The following PHRF1 variants were observed in gnomAD, a reference collection of about 807,000 sequenced individuals.
The protein encoded by PHRF1 is PHD and ring finger domains 1.
PHRF1 carries 53 observed loss-of-function variants against 128.9 expected under a neutral mutation model. The observed-to-expected ratio is 0.41, with a 90% CI of 0.33 to 0.52. PHRF1 has a LOEUF of 0.52. Ranked by LOEUF, PHRF1 falls within the 20% of genes least tolerant of loss-of-function variation. The pLI is 0.21. For missense variants in PHRF1, 2,503 were observed against 2,284.5 expected, an observed-to-expected ratio of 1.10 and a Z score of -1.95; for synonymous variants, 1,178 against 980.6, an observed-to-expected ratio of 1.20 and a Z score of -3.76.
chr11:588,844 T>G (rs995272059), intron 4 of PHRF1, among the ~76,000 whole-genome samples: 6 of 152,042 alleles, frequency 3.9e-5, no homozygotes, highest in Non-Finnish European at 5.9e-5. Flanking sequence ...AGTATAGAAA[T>G]CTTACAAATG....
In PHRF1 at chr11:596,917, C is replaced by A. The variant is rs764217430; in HGVS notation, c.621-6C>A. 2.5e-6 allele frequency: 4 copies of A among 1,613,560 alleles called. No homozygotes were observed. The South Asian group carries it at 4.4e-5, about 18-fold the overall frequency. ...CCGGATGCTTTGGCCCTGCTCTCTCCTGTAGGTACCACATGGAATGCTTGG... is the reference window on the plus strand; with the variant it reads ...CCGGATGCTTTGGCCCTGCTCTCTCATGTAGGTACCACATGGAATGCTTGG... On this transcript the variant is annotated splice_polypyrimidine_tract_variant and splice_region_variant and intron_variant, in intron 6 of 17. Transcript: ENST00000264555.
chr11:606,562 C>T lies in PHRF1; in HGVS notation c.1575C>T (p.Ile525=). ...TGCTGGGCAGCAGTGATGTCATCAT[C>T]CACCGCGACGGCTCCCTCAGCGCCA... The part of the protein sequence containing the change: ...LLMLGSSDVI[I]HRDGSLSAKR... Residue 525 remains isoleucine (I), a synonymous_variant, in exon 13 of 18, where the codon ATC becomes ATT. Transcript: ENST00000264555. 1 of 1,609,008 alleles carries T rather than the reference C, an allele frequency of 6.2e-7. No homozygotes were observed. Among genetic ancestry groups the T allele is most frequent in the South Asian group, 1.1e-5 (1 of 91,044 alleles).
chr11:587,507 C>A, intron 4 of PHRF1, 43 bp downstream of exon 4: 9 of 1,593,174 alleles, frequency 5.6e-6, no homozygotes, highest in Non-Finnish European at 7.7e-6. Context: ...TTCAGGATGG[C>A]CTCCCTGTTT....
At chr11:590,392 C>T (rs529446922) in intron 4 of PHRF1, among the ~76,000 whole-genome samples, 10 of 152,264 alleles carry the variant, frequency 6.6e-5, no homozygotes, top group African/African-American at 2.4e-4. Context: ...CTAGGGAGGG[C>T]AGAATGCCAT....
chr11:595,378 TC>T (rs1337580603), intron 6 of PHRF1, among the ~76,000 whole-genome samples: 2 of 152,244 alleles, frequency 1.3e-5, no homozygotes, highest in African/African-American at 4.8e-5. Context: ...CTGATTTTTT[TC>T]TTTTTTAAGT....
intron 9 of PHRF1, among the ~76,000 whole-genome samples, chr11:599,986 G>T (rs764701160): frequency 3.7e-4 from 56 of 152,130 alleles, no homozygotes; most frequent in Admixed American, 2.0e-4. Context: ...CTGTTGATGG[G>T]CGTTTGGCTG....
chr11:601,576 A>G lies in PHRF1; in HGVS notation c.1027A>G (p.Arg343Gly), dbSNP rs751042884. Residue 343 changes from arginine (R) to glycine (G), a missense_variant and splice_region_variant, in exon 10 of 18, where the codon AGA (arginine) becomes GGA (glycine). Coordinates refer to ENST00000264555, the MANE Select transcript of PHRF1 (RefSeq NM_001286581.2). ...TPARRKRKTR[R>G]RKKVPGRKKT... ...AGACTTCAACCTCTTTTCCTTAGGA[A>G]GACGGAAGAAAGTGCCGGGAAGAAA... 1.2e-6 allele frequency: 2 copies of G among 1,613,750 alleles called. No individual in the cohort carries two copies. Among genetic ancestry groups the G allele is most frequent in the Non-Finnish European group, 1.7e-6 (2 of 1,179,884 alleles).
At chr11:581,278 G>A (rs548756730) in intron 1 of PHRF1, among the ~76,000 whole-genome samples, 3 of 152,308 alleles carry the variant, frequency 2.0e-5, no homozygotes, top group Non-Finnish European at 4.4e-5. Context: ...TTCACGTGCT[G>A]TGGCGGTGGA....
At position 607,057 on chromosome 11, in the gene PHRF1, G is replaced by GT. The variant is rs1453718857; in HGVS notation, c.1610-3dup. 2.6e-6 allele frequency: 4 copies of GT among 1,546,672 alleles called. No individual in the cohort carries two copies. Among genetic ancestry groups the GT allele is most frequent in the Middle Eastern group, 3.5e-4 (2 of 5,730 alleles). ...GGAAATGATTGCCATTGACTTTTTT[G>GT]TTTTTTAGCTCCAGTTTCTTTTCAG... On this transcript the variant is annotated splice_polypyrimidine_tract_variant and intron_variant, in intron 13 of 17. Coordinates refer to ENST00000264555, the MANE Select transcript of PHRF1 (RefSeq NM_001286581.2).
At position 607,075 on chromosome 11, in the gene PHRF1, C is replaced by T. The variant is rs774874878; in HGVS notation, c.1619C>T (p.Ser540Phe). ...SLSAKRAAPV[S>F]FQRNSGSLSR... is the part of the protein sequence containing the mutation. ...CTTTTTTGTTTTTTAGCTCCAGTTT[C>T]TTTTCAGCGAAACTCAGGCAGTCTG... Residue 540 changes from serine (S) to phenylalanine (F), a missense_variant, in exon 14 of 18, where the codon TCT (serine) becomes TTT (phenylalanine). Ser to Phe is a radical substitution (Grantham distance 155). Transcript: ENST00000264555. 1.3e-6 allele frequency: 2 copies of T among 1,554,042 alleles called. No homozygotes were observed. The highest frequency in any genetic ancestry group is 2.3e-5 in the South Asian group (2 of 85,524).
At chr11:583,039 A>G (rs1178724593) in intron 3 of PHRF1, among the ~76,000 whole-genome samples, 1 of 147,180 alleles carries the variant, frequency 6.8e-6, no homozygotes, top group Non-Finnish European at 1.5e-5. Flanking sequence ...ATCTCAAAGG[A>G]AGAAAAAGAA....
intron 9 of PHRF1, among the ~76,000 whole-genome samples, chr11:600,503 T>C (rs1208999594): frequency 6.9e-6 from 1 of 144,148 alleles, no homozygotes; most frequent in Non-Finnish European, 1.5e-5. Context: ...AATATATATA[T>C]ATATATATAT....
intron 10 of PHRF1, among the ~76,000 whole-genome samples, chr11:602,129 C>T (rs1855660711): frequency 6.6e-6 from 1 of 152,214 alleles, no homozygotes. Flanking sequence ...CTGTCCACCT[C>T]TTCTGACCCA....
At chr11:606,672 T>C (rs1243506505) in intron 13 of PHRF1, 76 bp downstream of exon 13, 3 of 1,494,732 alleles carry the variant, frequency 2.0e-6, no homozygotes, top group Non-Finnish European at 2.7e-6. Context: ...ACTCAGCCCA[T>C]GTCTCAGTCA....
At chr11:584,608 A>T (rs1207817782) in intron 3 of PHRF1, among the ~76,000 whole-genome samples, 1 of 151,812 alleles carries the variant, frequency 6.6e-6, no homozygotes, top group Non-Finnish European at 1.5e-5. Context: ...AGCTGTGAAG[A>T]GACAGGTTTA....
chr11:597,311 C>A lies in PHRF1; in HGVS notation c.719-84C>A. 1.3e-6 allele frequency: 2 copies of A among 1,505,966 alleles called. No individual in the cohort carries two copies. The highest frequency in any genetic ancestry group is 1.8e-4 in the Middle Eastern group (1 of 5,510). 93.3% of individuals were successfully genotyped at this position (1,505,966 alleles called of 1,614,324 possible). A position where few individuals can be genotyped will look rare whatever the true frequency, so the allele number is the denominator to read the frequency against. Reference sequence around the variant, plus strand: ...AGGTCAGCCCGAGCCAGGGCTGCTACTTGGCCGGCAGCCACAGGGGGAGCC... The same window carrying A: ...AGGTCAGCCCGAGCCAGGGCTGCTAATTGGCCGGCAGCCACAGGGGGAGCC... On this transcript the variant is annotated intron_variant, in intron 7 of 17. Transcript: ENST00000264555. The surrounding 1 kb of genome is among the most constrained non-coding windows in gnomAD (Gnocchi z 6.5).
At position 592,604 on chromosome 11, in the gene PHRF1, A is replaced by G. The variant is rs756378753; in HGVS notation, c.550A>G (p.Thr184Ala). Residue 184 changes from threonine (T) to alanine (A), a missense_variant, in exon 6 of 18, where the codon ACC (threonine) becomes GCC (alanine). Transcript: ENST00000264555. Reference sequence around the variant, plus strand: ...AGCGAGCGAGGAGGAGGAGGACCCGACCTTCTGTGAGGTGTGCGGCAGGAG... The same window carrying G: ...AGCGAGCGAGGAGGAGGAGGACCCGGCCTTCTGTGAGGTGTGCGGCAGGAG... ...TKASEEEEDP[T>A]FCEVCGRSDR... is the part of the protein sequence containing the mutation. The G allele has an allele frequency of 6.2e-7, 1 of 1,614,024 alleles. No homozygotes were observed.
chr11:609,654 G>C lies in PHRF1; in HGVS notation c.4198G>C (p.Val1400Leu). 1 of 1,566,180 alleles carries C rather than the reference G, an allele frequency of 6.4e-7. No individual in the cohort carries two copies. The stretch of plus-strand genomic sequence containing the variant: ...CCCCCTGCTGCGGTCCAGAGCCCTG[G>C]TGAAGCGGGTCACCTGGAACCTGCA... ...QTPLLRSRALVKRVTWNLQES... is the reference protein window; with the variant it reads ...QTPLLRSRALLKRVTWNLQES... The change falls in exon 14 of 18, where the codon GTG becomes CTG. Residue 1400 changes from valine to leucine, a missense_variant. By Grantham distance (32) the Val-to-Leu change is conservative. Transcript: ENST00000264555.
intron 3 of PHRF1, 142 bp downstream of exon 3, chr11:582,223 C>T (rs542469136): frequency 3.4e-5 from 42 of 1,218,366 alleles, no homozygotes; most frequent in African/African-American, 8.0e-5. Flanking sequence ...GCCTTATATT[C>T]AGCTGTGGTG....
Sources: gnomAD v4.1 joint callset for allele counts (sites outside exome capture counted in the v4.1 genomes callset) on GRCh38, gnomAD v4.1.1 for gene constraint, Gnocchi (gnomAD v3.1) non-coding constraint, MANE v1.5 for transcripts, NCBI Gene and HGNC (gene_info 2026-07-23, HGNC 2026-07-21) for gene names.